The following MYO5B variants were observed in gnomAD, a reference collection of about 807,000 sequenced individuals.
The protein encoded by MYO5B is unconventional myosin-Vb.
Under a neutral mutation model 229.3 loss-of-function variants are expected in MYO5B, and 143 were observed. That is an observed-to-expected ratio of 0.62 (90% confidence interval 0.54 to 0.72). The LOEUF (loss-of-function observed/expected upper bound fraction) is 0.72. MYO5B is among the 30% of genes least tolerant of loss of function. The pLI is 0.00. For missense variants in MYO5B, 2,321 were observed against 2,331.0 expected (o/e 1.00, Z 0.09); for synonymous variants, 918 against 885.2 (o/e 1.04, Z -0.66).
intron 1 of MYO5B, among the ~76,000 whole-genome samples, chr18:50,135,422 A>G (rs1463402341): frequency 3.3e-5 from 5 of 152,228 alleles, no homozygotes; most frequent in Admixed American, 2.6e-4. Context: ...AGATGATCAT[A>G]TTCGTCTTTG....
In MYO5B at chr18:49,906,614, T is replaced by G; in HGVS notation, c.2219A>C (p.Gln740Pro). 6.2e-7 allele frequency: 1 copy of G among 1,613,982 alleles called. No individual in the cohort carries two copies. The highest frequency in any genetic ancestry group is 8.5e-7 in the Non-Finnish European group (1 of 1,179,982). The change falls in exon 19 of 40, where the codon CAG (glutamine) becomes CCG (proline). Residue 740 changes from glutamine to proline, a missense_variant. Transcript: ENST00000285039. ...ENLIKDPDKF[Q>P]FGRTKIFFRA... Reference sequence around the variant, plus strand: ...AAAGAAGATCTTGGTGCGGCCAAACTGGAACTTGTCGGGGTCCTTTACAAG... The same window carrying G: ...AAAGAAGATCTTGGTGCGGCCAAACGGGAACTTGTCGGGGTCCTTTACAAG...
intron 1 of MYO5B, among the ~76,000 whole-genome samples, chr18:50,073,185 T>C (rs546933766): frequency 6.6e-6 from 1 of 152,316 alleles, no homozygotes; most frequent in South Asian, 2.1e-4. Flanking sequence ...TCTTGGTACC[T>C]ACTACTGAAG....
chr18:50,058,811 G>C (rs1032165159), intron 1 of MYO5B, among the ~76,000 whole-genome samples: 40 of 151,780 alleles, frequency 2.6e-4, no homozygotes, highest in Non-Finnish European at 7.4e-5. Flanking sequence ...ACTCTGTCTC[G>C]GAGAAAAAAA....
chr18:50,099,379 G>T (rs1333045704), intron 1 of MYO5B, among the ~76,000 whole-genome samples: 1 of 152,232 alleles, frequency 6.6e-6, no homozygotes, highest in Non-Finnish European at 1.5e-5. Flanking sequence ...GAGTGGATAA[G>T]TGACACAGGA....
chr18:50,121,567 T>TCTCA (rs10665776), intron 1 of MYO5B, among the ~76,000 whole-genome samples: 93,296 of 151,614 alleles, frequency 0.62, 28,828 homozygotes, highest in Admixed American at 0.69. Flanking sequence ...TTTCAGGAAC[T>TCTCA]CTCAATTTAC....
chr18:49,868,014 T>A (rs888720959), intron 27 of MYO5B, among the ~76,000 whole-genome samples: 1 of 152,116 alleles, frequency 6.6e-6, no homozygotes. Flanking sequence ...ATTGTGATAA[T>A]CATGTCATAA....
intron 17 of MYO5B, among the ~76,000 whole-genome samples, chr18:49,917,431 T>C: frequency 6.6e-6 from 1 of 152,150 alleles, no homozygotes; most frequent in Non-Finnish European, 1.5e-5. Context: ...CCCCATTCAC[T>C]GAGACATCAA....
chr18:49,961,537 C>T (rs17658998), intron 12 of MYO5B, among the ~76,000 whole-genome samples: 1 of 152,146 alleles, frequency 6.6e-6, no homozygotes, highest in Non-Finnish European at 1.5e-5. Context: ...TGGGTTCTTT[C>T]CCTTGCAATA....
chr18:50,099,447 C>G (rs927519840), intron 1 of MYO5B, among the ~76,000 whole-genome samples: 1 of 152,154 alleles, frequency 6.6e-6, no homozygotes, highest in African/African-American at 2.4e-5. Context: ...ACTTAGGGAA[C>G]AGGAGGAACA....
At chr18:50,081,514 T>A (rs1440715495) in intron 1 of MYO5B, among the ~76,000 whole-genome samples, 2 of 152,182 alleles carry the variant, frequency 1.3e-5, no homozygotes. Flanking sequence ...AACATCTTCA[T>A]TGTGAAGGTA....
intron 17 of MYO5B, 78 bp from the exon 18 acceptor site, chr18:49,912,251 G>A (rs1050914749): frequency 2.9e-6 from 3 of 1,035,862 alleles, no homozygotes; most frequent in African/African-American, 3.1e-5. Context: ...ACCTCAGACA[G>A]TTCCCTATGG....
intron 1 of MYO5B, among the ~76,000 whole-genome samples, chr18:50,148,450 A>C (rs933246577): frequency 3.3e-5 from 5 of 151,482 alleles, no homozygotes; most frequent in African/African-American, 1.2e-4. Flanking sequence ...ATACTGGCAA[A>C]CCGAATCCAG....
intron 2 of MYO5B, among the ~76,000 whole-genome samples, chr18:50,053,306 G>C (rs1316290516): frequency 6.6e-6 from 1 of 152,174 alleles, no homozygotes; most frequent in Non-Finnish European, 1.5e-5. Context: ...GGAAGGAGGA[G>C]ATGGGGTCTG....
In MYO5B at chr18:49,937,226, C is replaced by T. The variant is rs776672143; in HGVS notation, c.1905+19G>A. ...CCTGCACATGCACCTCAGCCCATAG[C>T]TTTTGGTCCGGGGCTGACCTGGTGG... On this transcript the variant is annotated intron_variant, in intron 15 of 39. Coordinates refer to ENST00000285039, the MANE Select transcript of MYO5B (RefSeq NM_001080467.3). The T allele has an allele frequency of 3.1e-6, 5 of 1,613,896 alleles. No homozygotes were observed. Among genetic ancestry groups the T allele is most frequent in the Non-Finnish European group, 4.2e-6 (5 of 1,179,794 alleles).
chr18:50,053,374 C>A (rs1254277385), intron 2 of MYO5B, among the ~76,000 whole-genome samples: 1 of 152,234 alleles, frequency 6.6e-6, no homozygotes, highest in Non-Finnish European at 1.5e-5. Flanking sequence ...GGTGGGCGAG[C>A]ATCTGCTCTG....
chr18:50,030,493 G>A (rs1254146043), intron 4 of MYO5B, among the ~76,000 whole-genome samples: 1 of 146,994 alleles, frequency 6.8e-6, no homozygotes, highest in African/African-American at 2.4e-5. Context: ...CTGCTTCCCT[G>A]GAAGATCATC....
chr18:50,000,747 T>C (rs16951384), intron 5 of MYO5B, among the ~76,000 whole-genome samples: 6,513 of 152,272 alleles, frequency 0.043, 230 homozygotes, highest in African/African-American at 0.09. Flanking sequence ...AACTGTTTTC[T>C]GAGGAGCTTC....
At chr18:49,838,163 G>A (rs554571479) in intron 36 of MYO5B, among the ~76,000 whole-genome samples, 133 of 152,262 alleles carry the variant, frequency 8.7e-4, no homozygotes, top group African/African-American at 3.0e-3. Context: ...TCATTGGTCC[G>A]TCATACTTAC....
Position 50,110,936 on chromosome 18 carries a change from T to C in MYO5B, c.28-55558A>G, listed in dbSNP as rs74483885. Among the ~76,000 whole-genome samples the C allele has an allele frequency of 8.0e-3, 1,213 of 152,290 alleles. 17 individuals are homozygous for C. Among genetic ancestry groups the C allele is most frequent in the African/African-American group, 0.028 (1,149 of 41,554 alleles). On this transcript the variant is annotated intron_variant, in intron 1 of 39. Coordinates refer to ENST00000285039, the MANE Select transcript of MYO5B (RefSeq NM_001080467.3). ...ATATCAGAAGAAGATCCTGCAATCATAGTGTACCATAAACAGAGAGCAGCA... is the reference window on the plus strand; with the variant it reads ...ATATCAGAAGAAGATCCTGCAATCACAGTGTACCATAAACAGAGAGCAGCA...
Sources: gnomAD v4.1 joint callset for allele counts (sites outside exome capture counted in the v4.1 genomes callset) on GRCh38, gnomAD v4.1.1 for gene constraint, MANE v1.5 for transcripts, NCBI Gene and HGNC (gene_info 2026-07-23, HGNC 2026-07-21) for gene names.